Variants in PTPRJ observed in about 807,000 individuals in gnomAD.
The protein encoded by PTPRJ is receptor-type tyrosine-protein phosphatase eta.
A neutral mutation model predicts 141.3 loss-of-function variants in PTPRJ; 129 were observed. The ratio of observed to expected loss-of-function variants is 0.91; its 90% CI spans 0.79 to 1.06. The LOEUF (loss-of-function observed/expected upper bound fraction) is 1.06, where lower values mean the gene tolerates loss of function less well. PTPRJ is among the 50% of genes least tolerant of loss of function. PTPRJ has a pLI of 0.00. For synonymous variants in PTPRJ, 610 were observed against 640.5 expected (o/e 0.95, Z 0.72); for missense variants, 1,601 against 1,679.7 (o/e 0.95, Z 0.82).
chr11:48,137,950 A>C (rs1857143292), intron 10 of PTPRJ, among the ~76,000 whole-genome samples: 1 of 152,206 alleles, frequency 6.6e-6, no homozygotes, highest in South Asian at 2.1e-4. Flanking sequence ...TGTGTAATTG[A>C]GGATGCTTTC....
At chr11:48,156,779 G>T (rs984006716) in intron 21 of PTPRJ, among the ~76,000 whole-genome samples, 6 of 151,796 alleles carry the variant, frequency 4.0e-5, no homozygotes, top group African/African-American at 1.5e-4. Flanking sequence ...TGGAGGCAAG[G>T]TCTCACTGTG....
chr11:48,146,859 A>G lies in PTPRJ; in HGVS notation c.2912-17A>G, dbSNP rs1179623310. Reference sequence around the variant, plus strand: ...ATGAACACCTCTTGAAGTGTCTCCCATTTGGACTTTTCTCAGGTGTCATCT... The same window carrying G: ...ATGAACACCTCTTGAAGTGTCTCCCGTTTGGACTTTTCTCAGGTGTCATCT... On this transcript the variant is annotated splice_polypyrimidine_tract_variant and intron_variant, in intron 14 of 24. Coordinates refer to ENST00000418331, the MANE Select transcript of PTPRJ (RefSeq NM_002843.4). 2 of 1,611,458 alleles carry G rather than the reference A, an allele frequency of 1.2e-6. No individual in the cohort carries two copies. Among genetic ancestry groups the G allele is most frequent in the Middle Eastern group, 1.6e-4 (1 of 6,082 alleles).
At chr11:48,015,200 G>A (rs917454716) in intron 1 of PTPRJ, among the ~76,000 whole-genome samples, 1 of 152,072 alleles carries the variant, frequency 6.6e-6, no homozygotes, top group Non-Finnish European at 1.5e-5. Context: ...CACTGTGTCC[G>A]TTTATGAAGG....
chr11:47,980,706 G>A lies in PTPRJ; in HGVS notation c.-207G>A, dbSNP rs1430045840. ...GACGCGGCCCCCCCGCGGCAGCCGC[G>A]CTAGGCTCCGGCGTGTGGCCGCGGC... On this transcript the variant is annotated 5_prime_UTR_variant, in exon 1 of 25. Coordinates refer to ENST00000418331, the MANE Select transcript of PTPRJ (RefSeq NM_002843.4). The A allele has an allele frequency of 2.0e-6, 2 of 995,394 alleles. No individual in the cohort carries two copies. The highest frequency in any genetic ancestry group is 2.4e-6 in the Non-Finnish European group (2 of 838,194). The allele number at this position is 995,394 out of a possible 1,614,324, so 61.7% of individuals were successfully genotyped here. A position where few individuals can be genotyped will look rare whatever the true frequency, so the allele number is the denominator to read the frequency against.
chr11:48,054,200 C>G (rs1427600261), intron 1 of PTPRJ, among the ~76,000 whole-genome samples: 1 of 152,218 alleles, frequency 6.6e-6, no homozygotes, highest in Non-Finnish European at 1.5e-5. Context: ...TCCCAAAGTG[C>G]TGGGATTACA....
chr11:48,028,042 G>A (rs1853871762), intron 1 of PTPRJ, among the ~76,000 whole-genome samples: 1 of 152,086 alleles, frequency 6.6e-6, no homozygotes, highest in Non-Finnish European at 1.5e-5. Context: ...AGTGTTAATA[G>A]TATTTCTTCC....
chr11:48,086,037 TC>T (rs1855697674), intron 1 of PTPRJ, among the ~76,000 whole-genome samples: 1 of 152,178 alleles, frequency 6.6e-6, no homozygotes, highest in South Asian at 2.1e-4. Flanking sequence ...TCTTGGAACC[TC>T]CACTTGTTAG....
At chr11:48,031,565 C>G (rs1853985039) in intron 1 of PTPRJ, among the ~76,000 whole-genome samples, 1 of 152,202 alleles carries the variant, frequency 6.6e-6, no homozygotes, top group Non-Finnish European at 1.5e-5. Flanking sequence ...GGTGGGATCA[C>G]ATCGCGGGAT....
At chr11:48,094,968 A>C (rs1855967710) in intron 1 of PTPRJ, among the ~76,000 whole-genome samples, 1 of 152,034 alleles carries the variant, frequency 6.6e-6, no homozygotes, top group Non-Finnish European at 1.5e-5. Context: ...TGGCCAAGGG[A>C]GCCGGGCCAT....
chr11:48,104,469 C>T (rs566967732), intron 1 of PTPRJ, among the ~76,000 whole-genome samples: 17 of 152,256 alleles, frequency 1.1e-4, no homozygotes, highest in African/African-American at 3.4e-4. Flanking sequence ...TGGTTAATTA[C>T]GTCAGTGGGT....
intron 7 of PTPRJ, 50 bp downstream of exon 7, chr11:48,128,093 G>T (rs762227465): frequency 6.4e-7 from 1 of 1,564,544 alleles, no homozygotes. Context: ...CCTGCTCCGT[G>T]CCAGGCCCAG....
intron 1 of PTPRJ, among the ~76,000 whole-genome samples, chr11:48,050,661 T>G (rs545092836): frequency 6.6e-6 from 1 of 152,296 alleles, no homozygotes; most frequent in Non-Finnish European, 1.5e-5. Context: ...CTGAGATGTC[T>G]TGTACTTAGA....
chr11:48,133,769 C>T (rs191306876), intron 8 of PTPRJ, among the ~76,000 whole-genome samples: 1 of 152,178 alleles, frequency 6.6e-6, no homozygotes, highest in Non-Finnish European at 1.5e-5. Flanking sequence ...AAATACTATT[C>T]AGCCATAAGA....
intron 1 of PTPRJ, among the ~76,000 whole-genome samples, chr11:48,063,586 G>A (rs1324327975): frequency 6.6e-6 from 1 of 152,216 alleles, no homozygotes; most frequent in African/African-American, 2.4e-5. Context: ...GGGGGTGGCC[G>A]TTTGTGATGG....
intron 1 of PTPRJ, among the ~76,000 whole-genome samples, chr11:48,051,968 C>T (rs114459554): frequency 0.017 from 2,545 of 152,250 alleles, 67 homozygotes; most frequent in African/African-American, 0.057. Context: ...ACTTGGTGAA[C>T]GTTAGTGCCT....
At chr11:48,039,081 C>G (rs1355179897) in intron 1 of PTPRJ, among the ~76,000 whole-genome samples, 1 of 148,392 alleles carries the variant, frequency 6.7e-6, no homozygotes, top group East Asian at 2.0e-4. Flanking sequence ...ACCTGGGAGG[C>G]AGAGGTTGCA....
intron 1 of PTPRJ, among the ~76,000 whole-genome samples, chr11:48,090,277 G>C (rs1406365020): frequency 6.6e-6 from 1 of 152,132 alleles, no homozygotes; most frequent in Admixed American, 6.5e-5. Flanking sequence ...CTTCTTTCTG[G>C]TACCCTCTTT....
intron 1 of PTPRJ, among the ~76,000 whole-genome samples, chr11:48,043,746 G>A (rs1854325144): frequency 6.6e-6 from 1 of 152,166 alleles, no homozygotes; most frequent in Non-Finnish European, 1.5e-5. Context: ...GTGGGGTGGG[G>A]GTCTCTGAAG....
chr11:47,987,116 G>A (rs1311561973), intron 1 of PTPRJ, among the ~76,000 whole-genome samples: 1 of 152,122 alleles, frequency 6.6e-6, no homozygotes, highest in Non-Finnish European at 1.5e-5. Context: ...GCTGAGTTGG[G>A]AGGATGGCTT....
Sources: allele counts gnomAD v4.1 joint callset (sites outside exome capture counted in the v4.1 genomes callset), GRCh38; gene constraint gnomAD v4.1.1; transcripts MANE v1.5; gene names NCBI Gene and HGNC (gene_info 2026-07-23, HGNC 2026-07-21).